Variants in TAFA2 observed in about 807,000 individuals in gnomAD.
TAFA2 encodes TAFA chemokine like family member 2.
Under a neutral mutation model 18.8 loss-of-function variants are expected in TAFA2, and 7 were observed. The ratio of observed to expected loss-of-function variants is 0.37; its 90% CI spans 0.21 to 0.70. TAFA2 has a LOEUF of 0.70. Among genes scored for constraint, TAFA2 ranks in the 30% least tolerant of loss-of-function variants. The pLI is 0.53. For missense variants in TAFA2, 122 were observed against 158.1 expected, an observed-to-expected ratio of 0.77 and a Z score of 1.23; for synonymous variants, 60 against 54.2, an observed-to-expected ratio of 1.11 and a Z score of -0.47.
intron 2 of TAFA2, among the ~76,000 whole-genome samples, chr12:61,790,971 G>A (rs1046793400): frequency 1.3e-4 from 19 of 151,778 alleles, no homozygotes; most frequent in African/African-American, 4.1e-4. Context: ...ACAACAACAC[G>A]ATAGTAGCCA....
intron 4 of TAFA2, among the ~76,000 whole-genome samples, chr12:61,728,754 G>A (rs1290545740): frequency 6.6e-6 from 1 of 151,870 alleles, no homozygotes; most frequent in Non-Finnish European, 1.5e-5. Flanking sequence ...TTATTGAGAT[G>A]TGAGGTACTA....
At chr12:61,711,271 G>C (rs941178009) in intron 4 of TAFA2, among the ~76,000 whole-genome samples, 3 of 151,348 alleles carry the variant, frequency 2.0e-5, no homozygotes, top group African/African-American at 7.3e-5. Flanking sequence ...GAGAAGGAGG[G>C]GAGAGGAAAA....
intron 1 of TAFA2, among the ~76,000 whole-genome samples, chr12:62,150,883 C>T (rs1376520163): frequency 2.7e-5 from 4 of 150,198 alleles, no homozygotes; most frequent in Admixed American, 6.7e-5. Flanking sequence ...CAGTGAGACC[C>T]TGTCCAAAAA....
chr12:61,961,855 A>C (rs1384125430), intron 1 of TAFA2, among the ~76,000 whole-genome samples: 1 of 151,988 alleles, frequency 6.6e-6, no homozygotes, highest in East Asian at 1.9e-4. Context: ...TCCGAAATTC[A>C]TTTGGTCCTT....
intron 1 of TAFA2, among the ~76,000 whole-genome samples, chr12:62,082,902 A>G (rs896543084): frequency 2.6e-5 from 4 of 152,220 alleles, no homozygotes; most frequent in African/African-American, 9.6e-5. Flanking sequence ...ATTAATCTGC[A>G]TTGCTCTACA....
chr12:61,790,188 A>AAG (rs34320899), intron 2 of TAFA2, among the ~76,000 whole-genome samples: 67,285 of 150,274 alleles, frequency 0.45, 15,152 homozygotes, highest in Admixed American at 0.54. Context: ...AAAAAAAAAA[A>AAG]TCCCCAAAAT....
At chr12:61,721,480 T>C (rs548477623) in intron 4 of TAFA2, among the ~76,000 whole-genome samples, 2 of 152,284 alleles carry the variant, frequency 1.3e-5, no homozygotes, top group South Asian at 4.1e-4. Flanking sequence ...GGGTGATAAA[T>C]GGAACCAAGT....
chr12:61,720,872 A>G (rs769399111), intron 4 of TAFA2: 3 of 515,104 alleles, frequency 5.8e-6, no homozygotes, highest in South Asian at 2.8e-5. Context: ...GGCACAGCAG[A>G]AACCTTCTCT....
chr12:61,798,239 A>G (rs1262067809), intron 2 of TAFA2, among the ~76,000 whole-genome samples: 33 of 152,184 alleles, frequency 2.2e-4, no homozygotes, highest in Admixed American at 2.1e-3. Context: ...ATGACCTATA[A>G]TTACAAAATC....
At chr12:61,758,504 T>A (rs11174157) in intron 2 of TAFA2, among the ~76,000 whole-genome samples, 47,213 of 151,882 alleles carry the variant, frequency 0.31, 7,536 homozygotes, top group South Asian at 0.38. Context: ...GTGGGATATG[T>A]AGGTACAGAG....
chr12:62,042,406 TGTGTGTGTGTGTGTGTGTGTGTGCGC>T (rs758777616), intron 1 of TAFA2, among the ~76,000 whole-genome samples: 3 of 99,166 alleles, frequency 3.0e-5, no homozygotes, highest in Non-Finnish European at 4.4e-5. Context: ...GAAGTCTGTG[TGTGTGTGTGTGTGTGTGTGTGTGCGC>T]GTGTGTGTGT....
chr12:62,007,112 C>A (rs1333494833), intron 1 of TAFA2, among the ~76,000 whole-genome samples: 1 of 152,126 alleles, frequency 6.6e-6, no homozygotes, highest in Non-Finnish European at 1.5e-5. Flanking sequence ...GGCCCCCATG[C>A]TCCTTCTGCT....
At chr12:61,843,785 A>T (rs1873289271) in intron 2 of TAFA2, among the ~76,000 whole-genome samples, 1 of 152,156 alleles carries the variant, frequency 6.6e-6, no homozygotes, top group African/African-American at 2.4e-5. Flanking sequence ...AACAAGTTTG[A>T]ACAATTTGAT....
At chr12:61,827,345 C>T (rs2121078099) in intron 2 of TAFA2, 1 of 152,136 alleles carries the variant, frequency 6.6e-6, no homozygotes, top group African/African-American at 2.4e-5. Context: ...GATCTTAAGT[C>T]ATGTTGCTGA....
intron 1 of TAFA2, among the ~76,000 whole-genome samples, chr12:62,007,945 T>C (rs1025605285): frequency 1.4e-4 from 22 of 152,164 alleles, no homozygotes; most frequent in Admixed American, 5.2e-4. Context: ...TTCCTCCTAA[T>C]TGGAATTTTG....
upstream of TAFA2, among the ~76,000 whole-genome samples, chr12:62,193,705 C>A (rs995822018): frequency 6.6e-6 from 1 of 152,140 alleles, no homozygotes; most frequent in Admixed American, 6.5e-5. Flanking sequence ...CCATCTGTAA[C>A]CTTAACATTT....
At chr12:62,172,821 G>A (rs1285640890) in intron 1 of TAFA2, among the ~76,000 whole-genome samples, 1 of 152,172 alleles carries the variant, frequency 6.6e-6, no homozygotes, top group Non-Finnish European at 1.5e-5. Flanking sequence ...AAAATATCAA[G>A]AGAAAATAAA....
intron 1 of TAFA2, among the ~76,000 whole-genome samples, chr12:61,999,270 T>G (rs551468700): frequency 4.6e-5 from 7 of 152,332 alleles, no homozygotes; most frequent in Non-Finnish European, 1.0e-4. Flanking sequence ...TGCAATAGCC[T>G]CAGCACAATA....
rs117205018 is a variant in TAFA2 at position 61,717,911 on chromosome 12, T to C, written c.385-7494A>G. Among the ~76,000 whole-genome samples the C allele has an allele frequency of 1.8e-3, 272 of 152,190 alleles. 1 individual carries two copies. The highest frequency in any genetic ancestry group is 6.8e-3 in the Middle Eastern group (2 of 294). Reference sequence around the variant, plus strand: ...AGTTTTTATCTACCAAGCACATTGGTTGGAGTCAGTGAGCTTCTGACTCAC... The same window carrying C: ...AGTTTTTATCTACCAAGCACATTGGCTGGAGTCAGTGAGCTTCTGACTCAC... On this transcript the variant is annotated intron_variant, in intron 4 of 4. Coordinates refer to ENST00000416284, the MANE Select transcript of TAFA2 (RefSeq NM_178539.5).
Sources: gnomAD v4.1 joint callset for allele counts (sites outside exome capture counted in the v4.1 genomes callset) on GRCh38, gnomAD v4.1.1 for gene constraint, MANE v1.5 for transcripts, NCBI Gene and HGNC (gene_info 2026-07-23, HGNC 2026-07-21) for gene names.